Variants in RYR3 observed in about 807,000 individuals in gnomAD.
RYR3 encodes the protein ryanodine receptor 3.
Under a neutral mutation model 584.3 loss-of-function variants are expected in RYR3, and 207 were observed. The ratio of observed to expected loss-of-function variants is 0.35; its 90% CI spans 0.32 to 0.40. RYR3 has a LOEUF of 0.40. RYR3 is among the 10% of genes least tolerant of loss of function. RYR3 has a pLI of 1.00. For synonymous variants in RYR3, 2,416 were observed against 2,248.5 expected, an observed-to-expected ratio of 1.07 and a Z score of -2.11; for missense variants, 5,616 against 6,089.2, an observed-to-expected ratio of 0.92 and a Z score of 2.59.
chr15:33,565,862 GTAGA>G (rs2057687088), intron 11 of RYR3, among the ~76,000 whole-genome samples: 1 of 152,212 alleles, frequency 6.6e-6, no homozygotes, highest in Non-Finnish European at 1.5e-5. Flanking sequence ...TTAGTGACAA[GTAGA>G]TACTCTTAGC....
In RYR3 at chr15:33,838,586, C is replaced by A. The variant is rs771803865; in HGVS notation, c.12606C>A (p.Ile4202=). ...FVGLFQLLFT[I]LGGIFQILWS... is the part of the protein sequence containing the mutation. Reference sequence around the variant, plus strand: ...GGCTATTCCAGTTGCTCTTCACCATCCTGGGAGGAATCTTTCAGATCCTCT... The same window carrying A: ...GGCTATTCCAGTTGCTCTTCACCATACTGGGAGGAATCTTTCAGATCCTCT... Residue 4202 remains isoleucine (I), a synonymous_variant, in exon 89 of 104, where the codon ATC becomes ATA. Transcript: ENST00000634891. The A allele has an allele frequency of 2.5e-6, 4 of 1,613,962 alleles. No homozygotes were observed. The South Asian group carries it at 4.4e-5, about 18-fold the overall frequency.
intron 16 of RYR3, among the ~76,000 whole-genome samples, chr15:33,592,808 G>C (rs910926168): frequency 6.6e-6 from 1 of 152,204 alleles, no homozygotes; most frequent in Admixed American, 6.5e-5. Flanking sequence ...ATCTGAGACA[G>C]GTCTTAGTTA....
chr15:33,375,832 AG>A (rs2040684835), intron 1 of RYR3, among the ~76,000 whole-genome samples: 1 of 152,202 alleles, frequency 6.6e-6, no homozygotes, highest in Non-Finnish European at 1.5e-5. Flanking sequence ...TGGGAGGCCG[AG>A]GCGGGCGGAT....
chr15:33,566,901 A>G, intron 12 of RYR3, 102 bp downstream of exon 12: 1 of 1,293,640 alleles, frequency 7.7e-7, no homozygotes, highest in Non-Finnish European at 1.1e-6. Context: ...TTCAGGAAAT[A>G]ATGATACACC....
chr15:33,349,988 C>G (rs1279652753), intron 1 of RYR3, among the ~76,000 whole-genome samples: 2 of 151,736 alleles, frequency 1.3e-5, no homozygotes, highest in South Asian at 4.2e-4. Flanking sequence ...TTAATCCAGT[C>G]TATCATTGTT....
intron 3 of RYR3, among the ~76,000 whole-genome samples, chr15:33,528,873 T>G (rs2054612656): frequency 6.6e-6 from 1 of 152,108 alleles, no homozygotes; most frequent in Non-Finnish European, 1.5e-5. Context: ...TAATTCTTCT[T>G]ATGATTAGAG....
intron 1 of RYR3, among the ~76,000 whole-genome samples, chr15:33,458,325 T>C (rs563426013): frequency 1.2e-4 from 18 of 152,150 alleles, no homozygotes; most frequent in Non-Finnish European, 2.6e-4. Context: ...ATTCTCCCAC[T>C]CTCTGTGTCT....
chr15:33,537,472 G>A (rs1404754820), intron 5 of RYR3, among the ~76,000 whole-genome samples: 1 of 152,078 alleles, frequency 6.6e-6, no homozygotes, highest in Non-Finnish European at 1.5e-5. Context: ...TTAAATTTTT[G>A]TCTGAAAATT....
At chr15:33,370,623 T>A (rs1346758667) in intron 1 of RYR3, among the ~76,000 whole-genome samples, 1 of 152,182 alleles carries the variant, frequency 6.6e-6, no homozygotes, top group Non-Finnish European at 1.5e-5. Context: ...TTTCATTTTA[T>A]AGCTAGGCAT....
chr15:33,414,745 T>C (rs1328239266), intron 1 of RYR3, among the ~76,000 whole-genome samples: 1 of 152,112 alleles, frequency 6.6e-6, no homozygotes, highest in Non-Finnish European at 1.5e-5. Flanking sequence ...GCTGGGACTA[T>C]AGGCACCCGC....
intron 1 of RYR3, among the ~76,000 whole-genome samples, chr15:33,434,055 G>A (rs2045444993): frequency 6.6e-6 from 1 of 152,154 alleles, no homozygotes; most frequent in East Asian, 1.9e-4. Context: ...TAGGATAATA[G>A]TTTGCACCTT....
chr15:33,816,342 A>G (rs1222699093), intron 74 of RYR3, among the ~76,000 whole-genome samples: 1 of 152,212 alleles, frequency 6.6e-6, no homozygotes, highest in East Asian at 1.9e-4. Context: ...AACGTGCTTA[A>G]ACCTTGTCGT....
At chr15:33,543,769 A>G (rs1360387997) in intron 8 of RYR3, 54 bp downstream of exon 8, 2 of 1,121,856 alleles carry the variant, frequency 1.8e-6, no homozygotes, top group Non-Finnish European at 2.7e-6. Context: ...AAATGACTCA[A>G]ACTAAAGAGT....
chr15:33,681,311 A>G (rs1358532457), intron 38 of RYR3, among the ~76,000 whole-genome samples: 2 of 152,260 alleles, frequency 1.3e-5, no homozygotes. Context: ...CACAAACTTA[A>G]TGGTACTGCA....
At chr15:33,540,110 C>A (rs562811998) in intron 6 of RYR3, among the ~76,000 whole-genome samples, 25 of 152,198 alleles carry the variant, frequency 1.6e-4, no homozygotes, top group African/African-American at 5.5e-4. Flanking sequence ...GGTGCTGCAT[C>A]CAGCAAACTG....
chr15:33,768,240 A>G (rs2073265709), intron 60 of RYR3, among the ~76,000 whole-genome samples: 1 of 152,208 alleles, frequency 6.6e-6, no homozygotes, highest in Admixed American at 6.5e-5. Context: ...TCATACCCTC[A>G]ATGGAAGGCT....
chr15:33,655,306 A>G lies in RYR3; in HGVS notation c.4308+2423A>G, dbSNP rs79165871. Among the ~76,000 whole-genome samples the G allele has an allele frequency of 2.0e-4, 31 of 152,320 alleles. No homozygotes were observed. In the East Asian group the frequency reaches 6.0e-3, roughly 29 times the overall value. ...ACATTACTGCTGTCCTTCAAAATCC[A>G]TTAGCTTTTTCCCATTAACTTTAGA... is the stretch of plus-strand genomic sequence containing the variant. On this transcript the variant is annotated intron_variant, in intron 32 of 103. Transcript: ENST00000634891.
At chr15:33,794,994 C>T (rs931965591) in intron 67 of RYR3, among the ~76,000 whole-genome samples, 6 of 152,242 alleles carry the variant, frequency 3.9e-5, no homozygotes, top group Non-Finnish European at 7.4e-5. Flanking sequence ...GGTTTCAGAC[C>T]GTTCAAACCA....
intron 2 of RYR3, among the ~76,000 whole-genome samples, chr15:33,501,924 T>C (rs546837664): frequency 6.6e-6 from 1 of 152,142 alleles, no homozygotes; most frequent in Non-Finnish European, 1.5e-5. Flanking sequence ...ATAAAGGCGG[T>C]AATCCTCCTC....
Sources: allele counts gnomAD v4.1 joint callset (sites outside exome capture counted in the v4.1 genomes callset), GRCh38; gene constraint gnomAD v4.1.1; transcripts MANE v1.5; gene names NCBI Gene and HGNC (gene_info 2026-07-23, HGNC 2026-07-21).